DNER: variants seen among roughly 807,000 people sequenced by gnomAD.
DNER encodes delta and Notch-like epidermal growth factor-related receptor.
DNER carries 33 observed loss-of-function variants against 78.2 expected under a neutral mutation model. The observed-to-expected ratio is 0.42, with a 90% CI of 0.32 to 0.56. The LOEUF is 0.56. DNER is among the 20% of genes least tolerant of loss of function. DNER has a pLI of 0.11. For missense variants in DNER, 918 were observed against 975.3 expected, an observed-to-expected ratio of 0.94 and a Z score of 0.78; for synonymous variants, 417 against 384.8, an observed-to-expected ratio of 1.08 and a Z score of -0.98.
At position 229,368,715 on chromosome 2, in the gene DNER, C is replaced by A. The variant is rs192753872; in HGVS notation, c.1856-1596G>T. ...CAGCTCATTTAATCATTATAACCACCAGAAGATACATTATTCTCTCTCCCC... is the reference window on the plus strand; with the variant it reads ...CAGCTCATTTAATCATTATAACCACAAGAAGATACATTATTCTCTCTCCCC... On this transcript the variant is annotated intron_variant, in intron 11 of 12. Coordinates refer to ENST00000341772, the MANE Select transcript of DNER (RefSeq NM_139072.4). Among the ~76,000 whole-genome samples the A allele has an allele frequency of 2.2e-3, 329 of 152,250 alleles. 2 individuals carry two copies. The highest frequency in any genetic ancestry group is 7.6e-3 in the African/African-American group (315 of 41,554).
At chr2:229,652,265 C>T (rs1202629136) in intron 1 of DNER, among the ~76,000 whole-genome samples, 3 of 152,160 alleles carry the variant, frequency 2.0e-5, no homozygotes, top group African/African-American at 4.8e-5. Context: ...CACGCAGACT[C>T]CTCAACTCTC....
At chr2:229,362,722 T>C (rs979341096) in intron 12 of DNER, among the ~76,000 whole-genome samples, 26 of 152,206 alleles carry the variant, frequency 1.7e-4, no homozygotes, top group African/African-American at 6.0e-4. Flanking sequence ...TCAGTAAGTG[T>C]TGGCCATCAC....
chr2:229,684,977 A>G (rs371583745), intron 1 of DNER, among the ~76,000 whole-genome samples: 2 of 152,218 alleles, frequency 1.3e-5, no homozygotes, highest in East Asian at 3.8e-4. Flanking sequence ...GAGACTGAGC[A>G]TATGGTTTGG....
intron 11 of DNER, among the ~76,000 whole-genome samples, chr2:229,371,275 T>G (rs919553309): frequency 1.3e-5 from 2 of 152,170 alleles, no homozygotes; most frequent in African/African-American, 4.8e-5. Context: ...AACCACCATC[T>G]CTCAGTCCAG....
chr2:229,440,565 T>C (rs1220622683), intron 8 of DNER, among the ~76,000 whole-genome samples: 1 of 152,202 alleles, frequency 6.6e-6, no homozygotes, highest in Non-Finnish European at 1.5e-5. Flanking sequence ...CACCCTCTCC[T>C]ATCTTGATGG....
At chr2:229,424,133 C>T (rs1261181450) in intron 8 of DNER, among the ~76,000 whole-genome samples, 1 of 152,228 alleles carries the variant, frequency 6.6e-6, no homozygotes, top group African/African-American at 2.4e-5. Context: ...CTTCCAGGTG[C>T]CCTGGGTACT....
intron 12 of DNER, among the ~76,000 whole-genome samples, chr2:229,362,675 G>A (rs921880748): frequency 5.3e-5 from 8 of 152,156 alleles, no homozygotes; most frequent in Non-Finnish European, 1.5e-5. Flanking sequence ...AGTTATTTGT[G>A]AATGATTTAG....
chr2:229,491,791 C>A (rs1695404814), intron 6 of DNER, among the ~76,000 whole-genome samples: 1 of 152,154 alleles, frequency 6.6e-6, no homozygotes, highest in Non-Finnish European at 1.5e-5. Context: ...CTGATACTGT[C>A]TTTGATGGTA....
intron 6 of DNER, among the ~76,000 whole-genome samples, chr2:229,479,734 A>G (rs918322938): frequency 1.3e-5 from 2 of 151,686 alleles, no homozygotes; most frequent in Non-Finnish European, 1.5e-5. Flanking sequence ...AAAAAAAACA[A>G]AAAACCATAA....
intron 10 of DNER, among the ~76,000 whole-genome samples, chr2:229,392,900 C>T (rs896121576): frequency 6.6e-6 from 1 of 152,038 alleles, no homozygotes; most frequent in African/African-American, 2.4e-5. Context: ...GACCATCATT[C>T]AAACAAAAAT....
intron 6 of DNER, among the ~76,000 whole-genome samples, chr2:229,487,042 T>C (rs1265982223): frequency 6.6e-6 from 1 of 152,200 alleles, no homozygotes; most frequent in African/African-American, 2.4e-5. Flanking sequence ...ATTTCCGAAT[T>C]ACACATATAA....
At chr2:229,642,529 A>T (rs1223604626) in intron 1 of DNER, among the ~76,000 whole-genome samples, 1 of 152,226 alleles carries the variant, frequency 6.6e-6, no homozygotes, top group African/African-American at 2.4e-5. Flanking sequence ...ACATGGCAGA[A>T]AAACATGACC....
chr2:229,637,467 T>C (rs964600531), intron 1 of DNER, among the ~76,000 whole-genome samples: 3 of 152,228 alleles, frequency 2.0e-5, no homozygotes, highest in Admixed American at 1.3e-4. Flanking sequence ...AAGTAAGCAC[T>C]TACATTAAAT....
chr2:229,588,678 G>A (rs1697545240), intron 2 of DNER, among the ~76,000 whole-genome samples, 190 bp from the exon 3 acceptor site: 1 of 152,220 alleles, frequency 6.6e-6, no homozygotes, highest in South Asian at 2.1e-4. Flanking sequence ...TTGATGTTCT[G>A]AAATGCAACA....
chr2:229,523,862 T>C (rs1696150211), intron 5 of DNER, among the ~76,000 whole-genome samples: 1 of 152,230 alleles, frequency 6.6e-6, no homozygotes, highest in Non-Finnish European at 1.5e-5. Flanking sequence ...GCATGAAACA[T>C]AGCTCATGAG....
chr2:229,368,971 A>G (rs1004968324), intron 11 of DNER, among the ~76,000 whole-genome samples: 6 of 152,252 alleles, frequency 3.9e-5, no homozygotes, highest in Non-Finnish European at 8.8e-5. Flanking sequence ...CATTATTTAA[A>G]GAAGACATTT....
At chr2:229,594,469 C>A (rs1428418142) in intron 1 of DNER, among the ~76,000 whole-genome samples, 1 of 152,080 alleles carries the variant, frequency 6.6e-6, no homozygotes, top group African/African-American at 2.4e-5. Context: ...CACCTGTAAT[C>A]CCAGCTACTA....
chr2:229,526,192 A>G (rs1222395111), intron 5 of DNER, among the ~76,000 whole-genome samples: 2 of 152,234 alleles, frequency 1.3e-5, no homozygotes, highest in Non-Finnish European at 2.9e-5. Flanking sequence ...TTAATCTATA[A>G]TATTCACATG....
chr2:229,367,763 G>A (rs572942000), intron 11 of DNER, among the ~76,000 whole-genome samples: 1 of 152,300 alleles, frequency 6.6e-6, no homozygotes, highest in African/African-American at 2.4e-5. Context: ...ACCACAGTTG[G>A]AAGGGTACCC....
Sources: allele counts gnomAD v4.1 joint callset (sites outside exome capture counted in the v4.1 genomes callset), GRCh38; gene constraint gnomAD v4.1.1; transcripts MANE v1.5; gene names NCBI Gene and HGNC (gene_info 2026-07-23, HGNC 2026-07-21).